CAST: variants seen among roughly 807,000 people sequenced by gnomAD.
The protein encoded by CAST is MIR583 host.
In CAST, 76 loss-of-function variants were observed where a neutral mutation model predicts 119.6. The ratio of observed to expected loss-of-function variants is 0.64; its 90% CI spans 0.53 to 0.77. The LOEUF (loss-of-function observed/expected upper bound fraction) is 0.77. Ranked by LOEUF, CAST falls within the 30% of genes least tolerant of loss-of-function variation. The pLI is 0.00. For synonymous variants in CAST, 319 were observed against 331.6 expected, an observed-to-expected ratio of 0.96 and a Z score of 0.41; for missense variants, 953 against 946.5, an observed-to-expected ratio of 1.01 and a Z score of -0.09.
rs1050907835 is a variant in CAST, at chr5:96,774,599, G to A, written c.*1983G>A. 2 of 985,342 alleles carry A rather than the reference G, an allele frequency of 2.0e-6. No individual in the cohort carries two copies. The highest frequency in any genetic ancestry group is 1.2e-6 in the Non-Finnish European group (1 of 829,852). 61.0% of individuals were successfully genotyped at this position (985,342 alleles called of 1,614,324 possible). Reference sequence around the variant, plus strand: ...AAAGCAAACAAAGATAGGTTCCTCAGGTGACCAAAACTGAAAATCAATATT... The same window carrying A: ...AAAGCAAACAAAGATAGGTTCCTCAAGTGACCAAAACTGAAAATCAATATT... On this transcript the variant is annotated 3_prime_UTR_variant, in exon 32 of 32. Transcript: ENST00000675179.
Position 96,741,256 on chromosome 5 carries a change from GT to G in CAST, c.919-7del. Reference sequence around the variant, plus strand: ...CCGTAAGTTACCCATCACTGTGCCTGTTTCTTTAGAAACCCATAGGGCCAGA... The same window carrying G: ...CCGTAAGTTACCCATCACTGTGCCTGTTCTTTAGAAACCCATAGGGCCAGA... On this transcript the variant is annotated splice_polypyrimidine_tract_variant and intron_variant, in intron 13 of 31. Coordinates refer to ENST00000675179, the MANE Select transcript of CAST (RefSeq NM_001750.7). The G allele has an allele frequency of 1.3e-6, 2 of 1,564,600 alleles. No individual in the cohort carries two copies. The highest frequency in any genetic ancestry group is 1.8e-6 in the Non-Finnish European group (2 of 1,136,584).
the CAST span, among the ~76,000 whole-genome samples, chr5:96,282,936 T>C: frequency 1.5e-4 from 23 of 151,472 alleles, no homozygotes; most frequent in Non-Finnish European, 1.6e-4. Flanking sequence ...GAGACCATCC[T>C]GGCTAACACG....
the CAST span, among the ~76,000 whole-genome samples, chr5:96,472,402 T>C: frequency 6.6e-6 from 1 of 152,198 alleles, no homozygotes; most frequent in South Asian, 2.1e-4. Context: ...ATTGATTGGT[T>C]AACTGATTTT....
chr5:96,535,031 A>T (rs994023772), intron 1 of CAST, among the ~76,000 whole-genome samples: 5 of 152,190 alleles, frequency 3.3e-5, no homozygotes, highest in Admixed American at 6.5e-5. Context: ...AATAATGTAA[A>T]CATTTCATTG....
the CAST span, among the ~76,000 whole-genome samples, chr5:96,454,099 T>TC: frequency 1.3e-5 from 2 of 152,174 alleles, no homozygotes; most frequent in Non-Finnish European, 2.9e-5. Flanking sequence ...TCTTTTTTTT[T>TC]CCAACTGTCA....
chr5:96,260,119 G>T, the CAST span, among the ~76,000 whole-genome samples: 3 of 151,994 alleles, frequency 2.0e-5, no homozygotes, highest in Non-Finnish European at 4.4e-5. Flanking sequence ...CACCCACAGA[G>T]ATCCTGATTT....
At chr5:96,726,949 TC>T (rs1272325617) in intron 5 of CAST, 90 bp downstream of exon 5, 5 of 881,760 alleles carry the variant, frequency 5.7e-6, no homozygotes, top group Non-Finnish European at 9.2e-6. Flanking sequence ...TTCACAGTCT[TC>T]TGTTAACACT....
At chr5:96,305,945 T>A in the CAST span, among the ~76,000 whole-genome samples, 1 of 152,224 alleles carries the variant, frequency 6.6e-6, no homozygotes, top group East Asian at 1.9e-4. Flanking sequence ...CAGGTTTTGG[T>A]ATCAGGATGA....
At chr5:96,058,783 G>A in the CAST span, among the ~76,000 whole-genome samples, 1 of 152,058 alleles carries the variant, frequency 6.6e-6, no homozygotes, top group Non-Finnish European at 1.5e-5. Flanking sequence ...TTCCATTAAT[G>A]CATAGGAGAA....
the CAST span, among the ~76,000 whole-genome samples, chr5:96,456,153 C>T: frequency 6.6e-6 from 1 of 152,194 alleles, no homozygotes; most frequent in African/African-American, 2.4e-5. Flanking sequence ...GTGGATGGAA[C>T]TTAGCTCCAT....
chr5:96,585,714 A>T (rs528479220), intron 1 of CAST, among the ~76,000 whole-genome samples: 5 of 152,190 alleles, frequency 3.3e-5, no homozygotes, highest in Non-Finnish European at 7.4e-5. Context: ...CAACTCATAA[A>T]AATCTGCCAA....
At chr5:96,495,135 A>C in the CAST span, among the ~76,000 whole-genome samples, 14 of 146,542 alleles carry the variant, frequency 9.6e-5, no homozygotes, top group Admixed American at 2.0e-4. Context: ...AAAAAAAAAA[A>C]AAAAAGTGTG....
the CAST span, among the ~76,000 whole-genome samples, chr5:96,041,671 CTG>C: frequency 6.6e-6 from 1 of 151,822 alleles, no homozygotes; most frequent in African/African-American, 2.4e-5. Flanking sequence ...TGGGATCTCT[CTG>C]TACTATGGCC....
the CAST span, chr5:95,961,643 T>C: frequency 3.7e-6 from 6 of 1,610,470 alleles, no homozygotes; most frequent in Non-Finnish European, 5.1e-6. Context: ...AGTACGGTGA[T>C]GTTGTCCTGC....
chr5:96,205,325 AC>A, the CAST span, among the ~76,000 whole-genome samples: 1 of 151,996 alleles, frequency 6.6e-6, no homozygotes, highest in African/African-American at 2.4e-5. Flanking sequence ...CTTTCTTTAA[AC>A]TTTTATTTCA....
chr5:96,581,409 A>C (rs1746767699), intron 1 of CAST, among the ~76,000 whole-genome samples: 1 of 152,238 alleles, frequency 6.6e-6, no homozygotes, highest in African/African-American at 2.4e-5. Context: ...AATAGTCACC[A>C]TCATAAATTG....
chr5:96,621,795 CCTT>C (rs1334579012), intron 1 of CAST, among the ~76,000 whole-genome samples: 1 of 152,068 alleles, frequency 6.6e-6, no homozygotes, highest in Non-Finnish European at 1.5e-5. Flanking sequence ...GTCTTTCTCT[CCTT>C]CTATCTTACT....
At chr5:96,375,271 A>G in the CAST span, among the ~76,000 whole-genome samples, 1 of 152,236 alleles carries the variant, frequency 6.6e-6, no homozygotes, top group Admixed American at 6.5e-5. Flanking sequence ...GCTTAAATAA[A>G]GGAATGTTTT....
At chr5:96,552,954 G>A (rs780733752) in intron 1 of CAST, among the ~76,000 whole-genome samples, 6 of 152,154 alleles carry the variant, frequency 3.9e-5, no homozygotes, top group Non-Finnish European at 7.4e-5. Flanking sequence ...GGACCAGACC[G>A]ATTCACAGCT....
Sources: allele counts gnomAD v4.1 joint callset (sites outside exome capture counted in the v4.1 genomes callset), GRCh38; gene constraint gnomAD v4.1.1; transcripts MANE v1.5; gene names NCBI Gene and HGNC (gene_info 2026-07-23, HGNC 2026-07-21).